The following SLC11A2 variants were observed in gnomAD, a reference collection of about 807,000 sequenced individuals.
The protein encoded by SLC11A2 is solute carrier family 11 member 2, also known as natural resistance-associated macrophage protein 2.
A neutral mutation model predicts 68.0 loss-of-function variants in SLC11A2; 38 were observed. The observed-to-expected ratio is 0.56, with a 90% CI of 0.43 to 0.73. SLC11A2 has a LOEUF of 0.73. Among genes scored for constraint, SLC11A2 ranks in the 30% least tolerant of loss-of-function variants. The pLI is 0.00. For synonymous variants in SLC11A2, 242 were observed against 250.6 expected, an observed-to-expected ratio of 0.97 and a Z score of 0.32; for missense variants, 517 against 690.5, an observed-to-expected ratio of 0.75 and a Z score of 2.82.
chr12:51,014,815 T>C (rs1329296765), intron 1 of SLC11A2, among the ~76,000 whole-genome samples: 1 of 152,116 alleles, frequency 6.6e-6, no homozygotes, highest in African/African-American at 2.4e-5. Flanking sequence ...ATCATGCCAC[T>C]GAACTCCAGC....
At chr12:51,009,023 C>T (rs530551135) in intron 2 of SLC11A2, 29 of 773,322 alleles carry the variant, frequency 3.8e-5, no homozygotes, top group Admixed American at 8.4e-5. Context: ...CCCAGACCAG[C>T]TCCTGGTAAC....
intron 3 of SLC11A2, 169 bp from the exon 4 acceptor site, chr12:51,005,605 A>G: frequency 1.4e-6 from 2 of 1,450,594 alleles, no homozygotes; most frequent in Non-Finnish European, 1.8e-6. Flanking sequence ...CCCACTTTTT[A>G]TTAAGAAGCT....
At chr12:50,964,397 C>T in the SLC11A2 span, among the ~76,000 whole-genome samples, 3 of 152,228 alleles carry the variant, frequency 2.0e-5, no homozygotes. Context: ...GGCATCCTGC[C>T]TGTGTTGGAT....
intron 8 of SLC11A2, 108 bp downstream of exon 8, chr12:50,999,066 T>A (rs766612548): frequency 1.3e-5 from 12 of 958,976 alleles, no homozygotes; most frequent in Non-Finnish European, 1.6e-5. Context: ...ATACACCCAC[T>A]ATAAGTGAAT....
chr12:50,990,863 C>G lies in SLC11A2; in HGVS notation c.1507G>C (p.Gly503Arg). 2 of 1,614,120 alleles carry G rather than the reference C, an allele frequency of 1.2e-6. No individual in the cohort carries two copies. Among genetic ancestry groups the G allele is most frequent in the South Asian group, 1.1e-5 (1 of 91,082 alleles). The change falls in exon 15 of 16, where the codon GGG (glycine) becomes CGG (arginine). Residue 503 changes from glycine to arginine, a missense_variant. Coordinates refer to ENST00000262052, the MANE Select transcript of SLC11A2 (RefSeq NM_000617.3). ...GCCACCACATATAATGCCACATGCC[C>G]TAGGTCCCGGACATAAACCACTACA... Reference protein sequence around the residue: ...YFVVVYVRDLGHVALYVVAAV... With the variant: ...YFVVVYVRDLRHVALYVVAAV...
the SLC11A2 span, among the ~76,000 whole-genome samples, chr12:50,958,630 C>G: frequency 6.6e-6 from 1 of 151,964 alleles, no homozygotes; most frequent in African/African-American, 2.4e-5. Flanking sequence ...ATCACTCTGG[C>G]TGATATTAAG....
At chr12:50,968,542 A>G in the SLC11A2 span, among the ~76,000 whole-genome samples, 4 of 152,132 alleles carry the variant, frequency 2.6e-5, no homozygotes, top group South Asian at 8.3e-4. Flanking sequence ...GTGTGCCACC[A>G]TGCCCAGCTA....
At chr12:51,001,502 T>C (rs191171493) in intron 5 of SLC11A2, among the ~76,000 whole-genome samples, 3 of 151,490 alleles carry the variant, frequency 2.0e-5, no homozygotes, top group African/African-American at 7.3e-5. Flanking sequence ...TGTTTATCTA[T>C]GTAACAAACC....
chr12:50,969,717 A>G, the SLC11A2 span, among the ~76,000 whole-genome samples: 12 of 148,080 alleles, frequency 8.1e-5, no homozygotes, highest in Admixed American at 8.0e-4. Flanking sequence ...AAAAAAAAAC[A>G]AAAACAAAAC....
intron 1 of SLC11A2, 24 bp downstream of exon 1, chr12:51,026,286 C>T: frequency 8.1e-7 from 1 of 1,241,154 alleles, no homozygotes; most frequent in Non-Finnish European, 1.1e-6. Flanking sequence ...AATGCCGTGA[C>T]CCCTGACCTT....
chr12:50,964,004 A>G, the SLC11A2 span, among the ~76,000 whole-genome samples: 2 of 152,220 alleles, frequency 1.3e-5, no homozygotes, highest in Non-Finnish European at 2.9e-5. Flanking sequence ...GAATCCCTTC[A>G]TACGTCTTTG....
the SLC11A2 span, among the ~76,000 whole-genome samples, chr12:50,963,922 A>G: frequency 6.6e-6 from 1 of 152,194 alleles, no homozygotes; most frequent in African/African-American, 2.4e-5. Context: ...ACTTCCAAAT[A>G]AAGACAGTGT....
rs149105851 is a variant in SLC11A2 at position 50,998,470 on chromosome 12, T to C, written c.675+704A>G. Among the ~76,000 whole-genome samples, 232 of 152,362 alleles carry C rather than the reference T, an allele frequency of 1.5e-3. 1 individual carries two copies. Among genetic ancestry groups the C allele is most frequent in the African/African-American group, 5.1e-3 (211 of 41,592 alleles). ...TCACCCATGTTCATTTAAAAATCAT[T>C]TGCTGTTTGCCACTAGTACGTGTGT... On this transcript the variant is annotated intron_variant, in intron 8 of 15. Transcript: ENST00000262052.
Position 51,004,326 on chromosome 12 carries a change from A to G in SLC11A2, c.429+462T>C, listed in dbSNP as rs112629166. 5.0e-3 allele frequency among the ~76,000 whole-genome samples: 768 copies of G among 152,352 alleles called. 7 individuals are homozygous for G. The highest frequency in any genetic ancestry group is 0.018 in the African/African-American group (729 of 41,584). On this transcript the variant is annotated intron_variant, in intron 5 of 15. Coordinates refer to ENST00000262052, the MANE Select transcript of SLC11A2 (RefSeq NM_000617.3). ...CCCCGGTGGGAGGGGAAACTGAAAAATAATTATTAGCAAATCCAAAGATCT... is the reference window on the plus strand; with the variant it reads ...CCCCGGTGGGAGGGGAAACTGAAAAGTAATTATTAGCAAATCCAAAGATCT...
At chr12:50,994,761 T>C (rs1941539523) in intron 10 of SLC11A2, 131 bp from the exon 11 acceptor site, 2 of 704,324 alleles carry the variant, frequency 2.8e-6, no homozygotes, top group Non-Finnish European at 5.2e-6. Context: ...TATGCTGTGA[T>C]GTGGGCAGAG....
rs768187160 is a variant in SLC11A2, at chr12:50,994,616, T to C, written c.1005A>G (p.Thr335=). The C allele has an allele frequency of 6.2e-7, 1 of 1,611,480 alleles. No homozygotes were observed. ...GGCCAGCATGAGGACTGCTGGTATT[T>C]GTACAGACTTCAACCTAGAACCCAA... ...KTNEQVVEVC[T]NTSSPHAGLF... The change falls in exon 11 of 16, where the codon ACA becomes ACG. Residue 335 remains threonine, a synonymous_variant. Transcript: ENST00000262052.
In SLC11A2 at chr12:50,999,222, T is replaced by C. The variant is rs1170927853; in HGVS notation, c.627A>G (p.Ala209=). The change falls in exon 8 of 16, where the codon GCA becomes GCG. Residue 209 remains alanine (A), a synonymous_variant. Transcript: ENST00000262052. ...LDKYGLRKLE[A]FFGFLITIMA... ...TAATAGTGATGAGAAAGCCAAAAAA[T>C]GCTTCTAGCTTCCGCAAGCCTAAAG... The C allele has an allele frequency of 9.9e-6, 16 of 1,613,782 alleles. No homozygotes were observed. Among genetic ancestry groups the C allele is most frequent in the Non-Finnish European group, 1.4e-5 (16 of 1,180,000 alleles).
rs1201817529 is a variant in SLC11A2, at chr12:51,000,328, A to C, written c.521T>G (p.Leu174Arg). ...EVIGSAIAIN[L>R]LSVGRIPLWG... Reference sequence around the variant, plus strand: ...AACCCCTCACCTTCCTACAGACAGAAGATTGATAGCAATGGCTGAGCCAAT... The same window carrying C: ...AACCCCTCACCTTCCTACAGACAGACGATTGATAGCAATGGCTGAGCCAAT... The change falls in exon 6 of 16, where the codon CTT becomes CGT. Residue 174 changes from leucine to arginine, a missense_variant. By Grantham distance (102) the Leu-to-Arg change is moderately radical. Coordinates refer to ENST00000262052, the MANE Select transcript of SLC11A2 (RefSeq NM_000617.3). The C allele has an allele frequency of 6.2e-7, 1 of 1,612,234 alleles. No homozygotes were observed.
At chr12:51,028,532 G>T (rs1944470890), upstream of SLC11A2, 2 of 308,740 alleles carry the variant, frequency 6.5e-6, no homozygotes, top group South Asian at 1.0e-4. Flanking sequence ...AGCAAGAGTA[G>T]GTGGCAAGCC....
Sources: allele counts gnomAD v4.1 joint callset (sites outside exome capture counted in the v4.1 genomes callset), GRCh38; gene constraint gnomAD v4.1.1; transcripts MANE v1.5; gene names NCBI Gene and HGNC (gene_info 2026-07-23, HGNC 2026-07-21).